SSUH2: variants seen among roughly 807,000 people sequenced by gnomAD.
SSUH2 encodes protein SSUH2 homolog.
A neutral mutation model predicts 55.3 loss-of-function variants in SSUH2; 47 were observed. That is an observed-to-expected ratio of 0.85 (90% CI 0.67 to 1.08). The LOEUF (loss-of-function observed/expected upper bound fraction) is 1.08, where lower values mean the gene tolerates loss of function less well. Among genes scored for constraint, SSUH2 ranks in the 50% least tolerant of loss-of-function variants. The pLI, the probability that SSUH2 is intolerant of heterozygous loss-of-function variation, is 0.00. For missense variants in SSUH2, 535 were observed against 490.7 expected (o/e 1.09, Z -0.85); for synonymous variants, 212 against 191.5 (o/e 1.11, Z -0.89).
chr3:8,664,014 T>A, intron 5 of SSUH2: 1 of 350,284 alleles, frequency 2.9e-6, no homozygotes. Context: ...GAGACCCAGG[T>A]TATTTCTCTC....
chr3:8,629,954 GGGGAGAC>G (rs1698427918), intron 6 of SSUH2, among the ~76,000 whole-genome samples: 1 of 152,182 alleles, frequency 6.6e-6, no homozygotes, highest in Non-Finnish European at 1.5e-5. Flanking sequence ...ATGCCATCAA[GGGGAGAC>G]GTGTTCTGGG....
At chr3:8,664,775 A>T (rs1703834088) in intron 5 of SSUH2, among the ~76,000 whole-genome samples, 1 of 152,224 alleles carries the variant, frequency 6.6e-6, no homozygotes, top group Non-Finnish European at 1.5e-5. Flanking sequence ...GAAAGGAATC[A>T]CAATCCTTGC....
chr3:8,659,612 C>G (rs892200929), intron 6 of SSUH2: 2 of 330,944 alleles, frequency 6.0e-6, no homozygotes, highest in Non-Finnish European at 1.2e-5. Context: ...TGCTGGAGGC[C>G]GGGGGCTGCC....
chr3:8,619,770 T>C lies in SSUH2; in HGVS notation c.*98A>G. On this transcript the variant is annotated 3_prime_UTR_variant, in exon 12 of 12. Transcript: ENST00000544814. The stretch of plus-strand genomic sequence containing the variant: ...GGAAGGACATGCCAGGGTTTGTATG[T>C]GATTGTCCAATGCAGCCAACAGTGA... 7.0e-7 allele frequency: 1 copy of C among 1,434,688 alleles called. No homozygotes were observed. Among genetic ancestry groups the C allele is most frequent in the Non-Finnish European group, 9.5e-7 (1 of 1,051,446 alleles). 88.9% of individuals were successfully genotyped at this position (1,434,688 alleles called of 1,614,324 possible). A position where few individuals can be genotyped will look rare whatever the true frequency, so the allele number is the denominator to read the frequency against.
intron 11 of SSUH2, 135 bp downstream of exon 11, chr3:8,623,414 C>T: frequency 1.5e-6 from 1 of 657,128 alleles, no homozygotes; most frequent in South Asian, 1.7e-5. Flanking sequence ...CAGGCCCTAC[C>T]CCTTCCCACA....
rs1182498471 is a variant in SSUH2 at position 8,623,475 on chromosome 3, A to T, written c.981+74T>A. 33 of 929,910 alleles carry T rather than the reference A, an allele frequency of 3.5e-5. 1 individual carries two copies. The East Asian group carries it at 8.7e-4, about 24-fold the overall frequency. 57.6% of individuals were successfully genotyped at this position (929,910 alleles called of 1,614,324 possible). On this transcript the variant is annotated intron_variant, in intron 11 of 11. Transcript: ENST00000544814. ...TCTACGTCCTCATCCTTCCGCTCCGACGTTCTCAGGAAAGAGGGCTCAGCA... is the reference window on the plus strand; with the variant it reads ...TCTACGTCCTCATCCTTCCGCTCCGTCGTTCTCAGGAAAGAGGGCTCAGCA...
In SSUH2 at chr3:8,635,363, G is replaced by C. The variant is rs547576602; in HGVS notation, c.146C>G (p.Pro49Arg). ...GGGCCTCCCTGGGGCCTCCAAAGGT[G>C]GGAAGAATATCTGTCCTCCTGGAGA... is the stretch of plus-strand genomic sequence containing the variant. ...LQGGRGQIFFPPLEAPGRPQE... is the reference protein window; with the variant it reads ...LQGGRGQIFFRPLEAPGRPQE... Residue 49 changes from proline (P) to arginine (R), a missense_variant, in exon 3 of 12, where the codon CCA becomes CGA. Pro to Arg is a moderately radical substitution (Grantham distance 103). Coordinates refer to ENST00000544814, the MANE Select transcript of SSUH2 (RefSeq NM_001256748.3). The C allele has an allele frequency of 5.5e-5, 85 of 1,535,854 alleles. No homozygotes were observed. The highest frequency in any genetic ancestry group is 5.9e-5 in the Non-Finnish European group (68 of 1,146,804).
chr3:8,644,765 G>C lies in SSUH2; in HGVS notation c.-7C>G, dbSNP rs958246142. On this transcript the variant is annotated 5_prime_UTR_variant, in exon 1 of 12. Transcript: ENST00000544814. Reference sequence around the variant, plus strand: ...CATTCAGATCCCTGTCCATGTTCCAGACGTCCTGCCAAAGAGATGTCTGCC... The same window carrying C: ...CATTCAGATCCCTGTCCATGTTCCACACGTCCTGCCAAAGAGATGTCTGCC... 1 of 1,536,046 alleles carries C rather than the reference G, an allele frequency of 6.5e-7. No individual in the cohort carries two copies. Among genetic ancestry groups the C allele is most frequent in the South Asian group, 1.2e-5 (1 of 84,060 alleles).
intron 6 of SSUH2, chr3:8,659,804 G>T (rs749963658): frequency 2.2e-6 from 1 of 456,184 alleles, no homozygotes. Flanking sequence ...TCAGATACCT[G>T]CAGTCAGAAG....
intron 1 of SSUH2, chr3:8,639,854 C>T (rs957339473): frequency 2.9e-6 from 2 of 678,028 alleles, no homozygotes; most frequent in African/African-American, 3.9e-5. Flanking sequence ...ACAGGGGCCC[C>T]TGTCTCGTAT....
At chr3:8,634,023 T>G in intron 3 of SSUH2, 2 of 1,436,546 alleles carry the variant, frequency 1.4e-6, no homozygotes. Context: ...ACACTTTAGT[T>G]GAAATGTGGA....
intron 1 of SSUH2, among the ~76,000 whole-genome samples, chr3:8,638,139 C>T (rs957106623): frequency 5.3e-5 from 8 of 152,122 alleles, no homozygotes; most frequent in Non-Finnish European, 1.2e-4. Flanking sequence ...GAGGCTGAAA[C>T]CTGAGCCTTT....
intron 2 of SSUH2, among the ~76,000 whole-genome samples, chr3:8,678,205 G>T (rs1705571248): frequency 6.6e-6 from 1 of 151,990 alleles, no homozygotes; most frequent in African/African-American, 2.4e-5. Flanking sequence ...CTCCGCCTTG[G>T]AATATTATGA....
intron 1 of SSUH2, among the ~76,000 whole-genome samples, chr3:8,636,488 G>A (rs552588288): frequency 1.3e-5 from 2 of 152,090 alleles, no homozygotes; most frequent in African/African-American, 2.4e-5. Flanking sequence ...TCTCCTGCCT[G>A]AGCCCTACCC....
At chr3:8,679,405 G>C (rs1444965306) in intron 2 of SSUH2, among the ~76,000 whole-genome samples, 8 of 123,664 alleles carry the variant, frequency 6.5e-5, no homozygotes, top group Admixed American at 1.6e-4. Context: ...CTGAGAGCCA[G>C]CCCCTCTTCC....
In SSUH2 at chr3:8,678,666, C is replaced by T. The variant is rs537042109; in HGVS notation, c.-901+1039G>A. 1.0e-3 allele frequency among the ~76,000 whole-genome samples: 54 copies of T among 51,712 alleles called. 5 individuals are homozygous for T. Among genetic ancestry groups the T allele is most frequent in the Non-Finnish European group, 1.5e-3 (37 of 24,608 alleles). 33.9% of individuals were successfully genotyped at this position (51,712 alleles called of 152,430 possible). On this transcript the variant is annotated intron_variant, in intron 2 of 18. Transcript: ENST00000317371. ...TCGCAGTGGGGGGAGGCACCCCCCG[C>T]GAGGCGGGGATTGAGAGCCAGCCAC...
At chr3:8,631,053 G>A in intron 5 of SSUH2, 124 bp from the exon 6 acceptor site, 1 of 1,024,996 alleles carries the variant, frequency 9.8e-7, no homozygotes, top group East Asian at 3.0e-5. Flanking sequence ...TGGGGCTACA[G>A]GGATGGATAG....
chr3:8,633,556 C>T, intron 4 of SSUH2, 110 bp downstream of exon 4: 1 of 858,828 alleles, frequency 1.2e-6, no homozygotes. Flanking sequence ...ACACACTGCC[C>T]CCAGGACTCC....
At chr3:8,633,926 C>T (rs764219295) in intron 3 of SSUH2, 131 bp from the exon 4 acceptor site, 10 of 1,613,938 alleles carry the variant, frequency 6.2e-6, no homozygotes, top group Non-Finnish European at 7.6e-6. Context: ...AGCAGTCCAA[C>T]TGGGGAGGGC....
Sources: allele counts gnomAD v4.1 joint callset (sites outside exome capture counted in the v4.1 genomes callset), GRCh38; gene constraint gnomAD v4.1.1; transcripts MANE v1.5; gene names NCBI Gene and HGNC (gene_info 2026-07-23, HGNC 2026-07-21).